Variants in ADGRD1 observed in about 807,000 individuals in gnomAD.
The protein encoded by ADGRD1 is G-protein coupled receptor 133.
ADGRD1 carries 77 observed loss-of-function variants against 113.4 expected under a neutral mutation model. The ratio of observed to expected loss-of-function variants is 0.68; its 90% confidence interval spans 0.57 to 0.82. ADGRD1 has a LOEUF of 0.82. Among genes scored for constraint, ADGRD1 ranks in the 40% least tolerant of loss-of-function variants. The pLI is 0.00. For synonymous variants in ADGRD1, 474 were observed against 475.0 expected (o/e 1.00, Z 0.03); for missense variants, 1,036 against 1,139.1 (o/e 0.91, Z 1.30).
In ADGRD1 at chr12:130,981,896, C is replaced by CT; in HGVS notation, c.329dup (p.Trp111LeufsTer9). 1 of 1,611,186 alleles carries CT rather than the reference C, an allele frequency of 6.2e-7. No homozygotes were observed. The highest frequency in any genetic ancestry group is 8.5e-7 in the Non-Finnish European group (1 of 1,178,218). ...TGACTTTCCTCAGGGGTCACGTTTT[C>CT]TTTTTTCTGGAAGACACAAGGAGAA... is the stretch of plus-strand genomic sequence containing the variant. On this transcript the variant is annotated frameshift_variant, in exon 5 of 25. Transcript: ENST00000261654. LOFTEE classifies it high-confidence loss of function.
chr12:131,094,362 T>G (rs1887133083), intron 15 of ADGRD1, among the ~76,000 whole-genome samples: 1 of 152,124 alleles, frequency 6.6e-6, no homozygotes, highest in Non-Finnish European at 1.5e-5. Context: ...GCCACAAGTC[T>G]CCTTCCATTC....
Position 130,954,420 on chromosome 12 carries a change from C to T in ADGRD1, c.-46C>T. The T allele has an allele frequency of 2.7e-6, 4 of 1,487,762 alleles. No individual in the cohort carries two copies. Among genetic ancestry groups the T allele is most frequent in the Non-Finnish European group, 3.6e-6 (4 of 1,109,234 alleles). The allele number at this position is 1,487,762 out of a possible 1,614,324, so 92.2% of individuals were successfully genotyped here. A position where few individuals can be genotyped will look rare whatever the true frequency, so the allele number is the denominator to read the frequency against. ...GTTAAGAGGTCCCGTTCTCACAGAC[C>T]CTCAGGAATTTCACTTGGCTCCGAG... On this transcript the variant is annotated 5_prime_UTR_variant, in exon 1 of 25. Transcript: ENST00000261654. The surrounding 1 kb of genome is among the most constrained non-coding windows in gnomAD (Gnocchi z 4.7).
At position 131,136,053 on chromosome 12, in the gene ADGRD1, G is replaced by T. The variant is rs948676367; in HGVS notation, c.2284G>T (p.Val762Leu). The change falls in exon 22 of 25, where the codon GTG (valine) becomes TTG (leucine). Residue 762 changes from valine to leucine, a missense_variant. Transcript: ENST00000261654. ...TCTCTCCAGGTTGACAGCCAAGGCA[G>T]TGGCCGTGCTGCTGCCCATCCTGGG... ...PSAFKLTAKA[V>L]AVLLPILGTS... 1 of 1,613,968 alleles carries T rather than the reference G, an allele frequency of 6.2e-7. No individual in the cohort carries two copies. Among genetic ancestry groups the T allele is most frequent in the African/African-American group, 1.3e-5 (1 of 74,948 alleles).
chr12:130,979,566 A>C (rs1169225890), intron 4 of ADGRD1, among the ~76,000 whole-genome samples: 1 of 152,194 alleles, frequency 6.6e-6, no homozygotes, highest in Non-Finnish European at 1.5e-5. Flanking sequence ...CCATAACCTC[A>C]TGTGAAGGTA....
chr12:130,969,977 G>T (rs1466242876), intron 3 of ADGRD1: 1 of 152,134 alleles, frequency 6.6e-6, no homozygotes, highest in African/African-American at 2.4e-5. Flanking sequence ...GAAAATTAAA[G>T]TTAATTTAAA....
In ADGRD1 at chr12:131,036,874, CACTCACTGCACTGGGTCTT is replaced by C. The variant is rs1881503823; in HGVS notation, c.1473+22548_1473+22566del. On this transcript the variant is annotated intron_variant, in intron 13 of 24. Coordinates refer to ENST00000261654, the MANE Select transcript of ADGRD1 (RefSeq NM_198827.5). ...GGGCCTCACTCACTACACCAGGTTT[CACTCACTGCACTGGGTCTT>C]ACTCACTGCACTGAGCCTCACTCAC... 3.4e-5 allele frequency among the ~76,000 whole-genome samples: 5 copies of C among 148,830 alleles called. No individual in the cohort carries two copies. In the South Asian group the frequency reaches 6.4e-4, roughly 19 times the overall value.
chr12:130,981,523 T>C (rs1238290194), intron 4 of ADGRD1, among the ~76,000 whole-genome samples: 1 of 151,738 alleles, frequency 6.6e-6, no homozygotes, highest in African/African-American at 2.4e-5. Flanking sequence ...ATTTGCATGA[T>C]CCCGGGGAGT....
intron 20 of ADGRD1, among the ~76,000 whole-genome samples, chr12:131,123,396 GC>G (rs1950654877): frequency 6.6e-6 from 1 of 151,976 alleles, no homozygotes; most frequent in Non-Finnish European, 1.5e-5. Flanking sequence ...TGAAGTTTCG[GC>G]TTGTTGGCCT....
At chr12:130,997,197 C>T (rs905921955) in intron 8 of ADGRD1, among the ~76,000 whole-genome samples, 7 of 143,184 alleles carry the variant, frequency 4.9e-5, no homozygotes, top group Admixed American at 6.8e-5. Context: ...GACCCCCCCC[C>T]CCGGACGGGG....
chr12:131,069,064 C>T (rs1408233690), intron 13 of ADGRD1: 2 of 152,206 alleles, frequency 1.3e-5, no homozygotes, highest in Admixed American at 6.5e-5. Context: ...CCATGGCCTT[C>T]CATGTTCTGG....
At chr12:130,988,364 A>G (rs1873950203) in intron 6 of ADGRD1, 1 of 152,064 alleles carries the variant, frequency 6.6e-6, no homozygotes. Context: ...AAAATGACAG[A>G]CCCCATGTAG....
chr12:131,001,853 C>T (rs1876432668), intron 9 of ADGRD1, among the ~76,000 whole-genome samples: 1 of 152,202 alleles, frequency 6.6e-6, no homozygotes, highest in Non-Finnish European at 1.5e-5. Flanking sequence ...TTCTCCTAAG[C>T]CCTGATAATA....
rs954395535 is a variant in ADGRD1 at position 130,984,688 on chromosome 12, A to G, written c.491-2407A>G. On this transcript the variant is annotated intron_variant, in intron 5 of 24. Transcript: ENST00000261654. This position sits in a 1 kb window ranked among gnomAD's most constrained non-coding sequence, Gnocchi z 4.1. ...TTAGCATTTGCTCTCGGTGTTGTAC[A>G]TTCTATGGGTTGGTGAGGTTGATCT... 6.6e-6 allele frequency among the ~76,000 whole-genome samples: 1 copy of G among 151,982 alleles called. No homozygotes were observed. The highest frequency in any genetic ancestry group is 2.4e-5 in the African/African-American group (1 of 41,368).
intron 13 of ADGRD1, among the ~76,000 whole-genome samples, chr12:131,048,115 G>A (rs1332302445): frequency 2.0e-5 from 3 of 152,218 alleles, no homozygotes; most frequent in African/African-American, 7.2e-5. Flanking sequence ...CCTGAAACAG[G>A]GAGAGCAGAT....
At chr12:131,061,799 A>G (rs567426121) in intron 13 of ADGRD1, among the ~76,000 whole-genome samples, 1 of 152,310 alleles carries the variant, frequency 6.6e-6, no homozygotes, top group East Asian at 1.9e-4. Flanking sequence ...CCTTCCTTCT[A>G]CCATCCCTAA....
intron 15 of ADGRD1, among the ~76,000 whole-genome samples, chr12:131,091,375 G>A (rs1187308054): frequency 6.6e-6 from 1 of 152,160 alleles, no homozygotes; most frequent in Non-Finnish European, 1.5e-5. Context: ...TAACACTAAT[G>A]ATTGTGTAAA....
chr12:131,100,972 C>G (rs565661765), intron 15 of ADGRD1, among the ~76,000 whole-genome samples: 1 of 152,218 alleles, frequency 6.6e-6, no homozygotes, highest in Non-Finnish European at 1.5e-5. Context: ...TCTCCCCTGA[C>G]GCCTTCAGCA....
intron 13 of ADGRD1, among the ~76,000 whole-genome samples, chr12:131,038,897 A>G (rs1302416205): frequency 2.0e-5 from 3 of 152,240 alleles, no homozygotes; most frequent in Admixed American, 2.0e-4. Flanking sequence ...GGAAAAGACT[A>G]GGTCGCAGGC....
At chr12:130,983,931 A>T (rs1873320860) in intron 5 of ADGRD1, among the ~76,000 whole-genome samples, 1 of 152,216 alleles carries the variant, frequency 6.6e-6, no homozygotes, top group Non-Finnish European at 1.5e-5. Context: ...AGTCTGATGA[A>T]CATTCTTGTT....
Sources: allele counts gnomAD v4.1 joint callset (sites outside exome capture counted in the v4.1 genomes callset), GRCh38; gene constraint gnomAD v4.1.1; non-coding constraint Gnocchi (gnomAD v3.1); transcripts MANE v1.5; gene names NCBI Gene and HGNC (gene_info 2026-07-23, HGNC 2026-07-21).